SS18: variants seen among roughly 807,000 people sequenced by gnomAD.
SS18 encodes protein SSXT.
A neutral mutation model predicts 72.5 loss-of-function variants in SS18; 28 were observed. The observed-to-expected ratio is 0.39, with a 90% CI of 0.29 to 0.53. The LOEUF (loss-of-function observed/expected upper bound fraction) is 0.53. Ranked by LOEUF, SS18 falls within the 20% of genes least tolerant of loss-of-function variation. The probability of loss-of-function intolerance (pLI) is 0.76; values close to 1 mark genes in which losing one functional copy is unlikely to be tolerated. For synonymous variants in SS18, 172 were observed against 164.2 expected (o/e 1.05, Z -0.37); for missense variants, 518 against 535.3 (o/e 0.97, Z 0.32).
chr18:26,025,274 A>G lies in SS18; in HGVS notation c.1231-6894T>C, dbSNP rs1239886547. 2.6e-5 allele frequency among the ~76,000 whole-genome samples: 4 copies of G among 152,272 alleles called. No individual in the cohort carries two copies. The East Asian group carries it at 7.7e-4, about 29-fold the overall frequency. Reference sequence around the variant, plus strand: ...AAACATCTATATTAGAAAGAAAGACAGTTCTTAAATCAATGGGACTACAAC... The same window carrying G: ...AAACATCTATATTAGAAAGAAAGACGGTTCTTAAATCAATGGGACTACAAC... On this transcript the variant is annotated intron_variant, in intron 10 of 10. Coordinates refer to ENST00000415083, the MANE Select transcript of SS18 (RefSeq NM_001007559.3).
intron 6 of SS18, 24 bp downstream of exon 6, chr18:26,039,265 C>A (rs745967960): frequency 4.6e-6 from 7 of 1,534,706 alleles, no homozygotes; most frequent in Non-Finnish European, 5.3e-6. Context: ...CATTAAGTAG[C>A]AAATTTTCCA....
chr18:26,090,259 G>A, intron 1 of SS18: 1 of 540,780 alleles, frequency 1.8e-6, no homozygotes, highest in Non-Finnish European at 3.2e-6. Flanking sequence ...GGCGGCGGCT[G>A]TTTGGGCTTT....
chr18:26,018,933 T>C (rs905903352), intron 10 of SS18, among the ~76,000 whole-genome samples: 1 of 152,138 alleles, frequency 6.6e-6, no homozygotes, highest in Non-Finnish European at 1.5e-5. Flanking sequence ...CAGAGGTATT[T>C]AGACAGGCCA....
At position 26,035,200 on chromosome 18, in the gene SS18, A is replaced by T; in HGVS notation, c.974-73T>A. 2.0e-6 allele frequency: 3 copies of T among 1,512,884 alleles called. No individual in the cohort carries two copies. The highest frequency in any genetic ancestry group is 2.7e-6 in the Non-Finnish European group (3 of 1,111,440). 93.7% of individuals were successfully genotyped at this position (1,512,884 alleles called of 1,614,324 possible). On this transcript the variant is annotated intron_variant, in intron 8 of 10. Coordinates refer to ENST00000415083, the MANE Select transcript of SS18 (RefSeq NM_001007559.3). The surrounding 1 kb of genome is among the most constrained non-coding windows in gnomAD (Gnocchi z 4.4). ...AGTAACTTTTTTCCCTCTAAGATGC[A>T]TAGCCAACAACACAAGAACAAAATG...
chr18:26,035,902 T>G lies in SS18; in HGVS notation c.902A>C (p.Gln301Pro), dbSNP rs2053618765. ...YPDGHNDYGY[Q>P]QPSYPEQGYD... ...GCCTTGTTCAGGATACGACGGTTGCTGATAACCGTAATCATTATGACCTAC... is the reference window on the plus strand; with the variant it reads ...GCCTTGTTCAGGATACGACGGTTGCGGATAACCGTAATCATTATGACCTAC... Residue 301 changes from glutamine to proline, a missense_variant, in exon 8 of 11, where the codon CAG (glutamine) becomes CCG (proline). Gln to Pro is a moderately conservative substitution (Grantham distance 76). Transcript: ENST00000415083. This position sits in a 1 kb window ranked among gnomAD's most constrained non-coding sequence, Gnocchi z 4.4. The G allele has an allele frequency of 1.2e-6, 2 of 1,600,090 alleles. No individual in the cohort carries two copies. The highest frequency in any genetic ancestry group is 1.7e-6 in the Non-Finnish European group (2 of 1,171,588).
intron 3 of SS18, among the ~76,000 whole-genome samples, chr18:26,071,919 C>T (rs1291780993): frequency 1.3e-5 from 2 of 151,220 alleles, no homozygotes; most frequent in Non-Finnish European, 2.9e-5. Context: ...GTCTCACCAG[C>T]AAAGCAGTGC....
upstream of SS18, chr18:26,091,196 G>C (rs1425290169): frequency 6.5e-6 from 1 of 152,790 alleles, no homozygotes; most frequent in Non-Finnish European, 1.5e-5. Flanking sequence ...AGCATCTGCC[G>C]AGATAGGGCA....
intron 5 of SS18, among the ~76,000 whole-genome samples, chr18:26,051,580 T>C (rs1401211383): frequency 2.0e-5 from 3 of 152,144 alleles, no homozygotes; most frequent in Non-Finnish European, 4.4e-5. Context: ...AACCAAACTG[T>C]ATAGAGAAAC....
chr18:26,057,376 A>G (rs1379411392), intron 4 of SS18, among the ~76,000 whole-genome samples: 7 of 152,178 alleles, frequency 4.6e-5, no homozygotes. Flanking sequence ...CATCAGAGGA[A>G]TGGTGTGTGT....
intron 3 of SS18, among the ~76,000 whole-genome samples, chr18:26,072,733 C>G (rs1332915725): frequency 3.8e-5 from 5 of 131,390 alleles, no homozygotes; most frequent in African/African-American, 8.9e-5. Context: ...AGAGGAGGAG[C>G]TTGCAGTGAG....
rs1308820374 is a variant in SS18, at chr18:26,035,790, A to G, written c.973+41T>C. ...ATGCAAGAATTTTCATTCCTGTAGAAGGGGATATATATGTGTATGTGTGTG... is the reference window on the plus strand; with the variant it reads ...ATGCAAGAATTTTCATTCCTGTAGAGGGGGATATATATGTGTATGTGTGTG... On this transcript the variant is annotated intron_variant, in intron 8 of 10. Coordinates refer to ENST00000415083, the MANE Select transcript of SS18 (RefSeq NM_001007559.3). This position sits in a 1 kb window ranked among gnomAD's most constrained non-coding sequence, Gnocchi z 4.4. The G allele has an allele frequency of 3.0e-6, 4 of 1,355,308 alleles. No individual in the cohort carries two copies. The South Asian group carries it at 5.5e-5, about 19-fold the overall frequency. The allele number at this position is 1,355,308 out of a possible 1,614,324, so 84.0% of individuals were successfully genotyped here.
chr18:26,049,996 C>T (rs1385100616), intron 5 of SS18, among the ~76,000 whole-genome samples: 2 of 152,186 alleles, frequency 1.3e-5, no homozygotes, highest in Non-Finnish European at 2.9e-5. Flanking sequence ...CCTGTAATCC[C>T]AACACTTCGG....
chr18:26,085,048 A>G (rs2054593185), intron 2 of SS18, among the ~76,000 whole-genome samples: 1 of 152,236 alleles, frequency 6.6e-6, no homozygotes, highest in Non-Finnish European at 1.5e-5. Flanking sequence ...TGTTTCTAAA[A>G]AACAATATGG....
At chr18:26,086,748 T>C (rs1016803458) in intron 2 of SS18, among the ~76,000 whole-genome samples, 6 of 152,212 alleles carry the variant, frequency 3.9e-5, no homozygotes, top group African/African-American at 1.4e-4. Context: ...CAGTTCTCTA[T>C]TTATTAGATA....
chr18:26,023,427 A>G (rs1266724602), intron 10 of SS18, among the ~76,000 whole-genome samples: 1 of 152,162 alleles, frequency 6.6e-6, no homozygotes, highest in East Asian at 1.9e-4. Context: ...AAATTGCTCA[A>G]AACAATTTGG....
chr18:26,018,507 T>C, intron 10 of SS18, 127 bp from the exon 11 acceptor site: 1 of 615,928 alleles, frequency 1.6e-6, no homozygotes, highest in South Asian at 2.3e-5. Flanking sequence ...ATAAACAAAA[T>C]TTTTTTATAT....
chr18:26,043,141 A>G (rs2053759077), intron 5 of SS18, among the ~76,000 whole-genome samples: 1 of 152,136 alleles, frequency 6.6e-6, no homozygotes, highest in South Asian at 2.1e-4. Flanking sequence ...CAACATTTTA[A>G]GGCTCACAAA....
chr18:26,056,227 C>CT (rs1238445241), intron 4 of SS18, among the ~76,000 whole-genome samples: 5 of 152,278 alleles, frequency 3.3e-5, no homozygotes, highest in African/African-American at 1.2e-4. Context: ...CTTCTTTGGC[C>CT]TTAGGCTTCA....
chr18:26,042,938 T>C (rs1052040164), intron 5 of SS18, among the ~76,000 whole-genome samples: 4 of 152,272 alleles, frequency 2.6e-5, no homozygotes, highest in African/African-American at 9.6e-5. Flanking sequence ...TACAAACCAA[T>C]ACACTAAAAT....
Sources: gnomAD v4.1 joint callset for allele counts (sites outside exome capture counted in the v4.1 genomes callset) on GRCh38, gnomAD v4.1.1 for gene constraint, Gnocchi (gnomAD v3.1) non-coding constraint, MANE v1.5 for transcripts, NCBI Gene and HGNC (gene_info 2026-07-23, HGNC 2026-07-21) for gene names.